PRDM6: variants seen among roughly 807,000 people sequenced by gnomAD.
PRDM6 encodes putative histone-lysine N-methyltransferase PRDM6.
A neutral mutation model predicts 60.8 loss-of-function variants in PRDM6; 25 were observed. The ratio of observed to expected loss-of-function variants is 0.41; its 90% CI spans 0.30 to 0.57. The LOEUF (loss-of-function observed/expected upper bound fraction) is 0.57. Among genes scored for constraint, PRDM6 ranks in the 20% least tolerant of loss-of-function variants. The pLI, the probability that PRDM6 is intolerant of heterozygous loss-of-function variation, is 0.27. For synonymous variants in PRDM6, 407 were observed against 357.4 expected, an observed-to-expected ratio of 1.14 and a Z score of -1.57; for missense variants, 839 against 821.3, an observed-to-expected ratio of 1.02 and a Z score of -0.26.
rs187738417 is a variant in PRDM6, at chr5:123,170,624, A to C, written c.1154-142A>C. 10 of 662,888 alleles carry C rather than the reference A, an allele frequency of 1.5e-5. No homozygotes were observed. The Admixed American group carries it at 2.4e-4, about 16-fold the overall frequency. The allele number at this position is 662,888 out of a possible 1,614,324, so 41.1% of individuals were successfully genotyped here. A position where few individuals can be genotyped will look rare whatever the true frequency, so the allele number is the denominator to read the frequency against. The stretch of plus-strand genomic sequence containing the variant: ...GATAATAGTTTTTTCCCCTCAAATC[A>C]GATGGTTTGTTATGTTAATTCTGAG... On this transcript the variant is annotated intron_variant, in intron 5 of 7. Coordinates refer to ENST00000407847, the MANE Select transcript of PRDM6 (RefSeq NM_001136239.4).
chr5:123,161,993 T>C (rs1057332052), intron 5 of PRDM6, among the ~76,000 whole-genome samples: 1 of 152,172 alleles, frequency 6.6e-6, no homozygotes, highest in African/African-American at 2.4e-5. Context: ...AGTTGGATTC[T>C]GGATATGTTT....
intron 5 of PRDM6, among the ~76,000 whole-genome samples, chr5:123,165,345 C>A (rs761119332): frequency 6.6e-6 from 1 of 152,234 alleles, no homozygotes; most frequent in Non-Finnish European, 1.5e-5. Flanking sequence ...AACCTTGACA[C>A]CTCACTCTTG....
At chr5:123,186,811 A>G (rs924657113) in intron 7 of PRDM6, among the ~76,000 whole-genome samples, 9 of 152,176 alleles carry the variant, frequency 5.9e-5, no homozygotes, top group South Asian at 4.1e-4. Flanking sequence ...TTCTTTATCT[A>G]TTTGAACTGA....
At chr5:123,108,815 G>T (rs866388746) in intron 3 of PRDM6, among the ~76,000 whole-genome samples, 9 of 152,070 alleles carry the variant, frequency 5.9e-5, no homozygotes, top group Non-Finnish European at 1.2e-4. Flanking sequence ...ATAATATATA[G>T]ATTTATTTCA....
rs192512330 is a variant in PRDM6 at position 123,110,471 on chromosome 5, C to A, written c.900+10510C>A. Among the ~76,000 whole-genome samples, 535 of 149,130 alleles carry A rather than the reference C, an allele frequency of 3.6e-3. 2 individuals are homozygous for A. Among genetic ancestry groups the A allele is most frequent in the Non-Finnish European group, 6.1e-3 (411 of 67,500 alleles). On this transcript the variant is annotated intron_variant, in intron 3 of 7. Coordinates refer to ENST00000407847, the MANE Select transcript of PRDM6 (RefSeq NM_001136239.4). ...ATGGGGTTTCACCATGTGGGCCAGGCGGGTTTCAAATTCCTGACCTTCAGT... is the reference window on the plus strand; with the variant it reads ...ATGGGGTTTCACCATGTGGGCCAGGAGGGTTTCAAATTCCTGACCTTCAGT...
At chr5:123,091,718 A>T (rs1402787460) in intron 2 of PRDM6, among the ~76,000 whole-genome samples, 1 of 152,260 alleles carries the variant, frequency 6.6e-6, no homozygotes, top group Non-Finnish European at 1.5e-5. Flanking sequence ...AAAGCAATAC[A>T]GGATTTGAAA....
chr5:123,118,707 A>G (rs1030320748), intron 3 of PRDM6, among the ~76,000 whole-genome samples: 18 of 152,212 alleles, frequency 1.2e-4, no homozygotes, highest in Admixed American at 3.9e-4. Context: ...ATTTGGTAGC[A>G]TTCTAAGTAG....
chr5:123,185,857 A>G (rs1251408248), intron 7 of PRDM6, among the ~76,000 whole-genome samples: 1 of 152,226 alleles, frequency 6.6e-6, no homozygotes, highest in Non-Finnish European at 1.5e-5. Flanking sequence ...TGCCTAACAG[A>G]TAACAGGGCT....
At chr5:123,181,051 G>A (rs997394866) in intron 7 of PRDM6, among the ~76,000 whole-genome samples, 10 of 152,212 alleles carry the variant, frequency 6.6e-5, no homozygotes, top group Non-Finnish European at 1.3e-4. Flanking sequence ...GTGGACATCT[G>A]AATCCGTGCA....
At chr5:123,128,171 T>A (rs892908049) in intron 3 of PRDM6, among the ~76,000 whole-genome samples, 1 of 152,234 alleles carries the variant, frequency 6.6e-6, no homozygotes, top group African/African-American at 2.4e-5. Context: ...TCTATCATTG[T>A]TGGACATTTG....
chr5:123,155,994 A>C lies in PRDM6; in HGVS notation c.1011A>C (p.Leu337=), dbSNP rs1765488785. ...RCARHCGEQN[L]TVVQYRSNIF... ...CAAGGCACTGCGGAGAACAGAATCTAACAGTAGTTCAGTACAGGTAAAGTA... is the reference window on the plus strand; with the variant it reads ...CAAGGCACTGCGGAGAACAGAATCTCACAGTAGTTCAGTACAGGTAAAGTA... Residue 337 remains leucine, a synonymous_variant, in exon 4 of 8, where the codon CTA becomes CTC. Coordinates refer to ENST00000407847, the MANE Select transcript of PRDM6 (RefSeq NM_001136239.4). 1 of 1,551,598 alleles carries C rather than the reference A, an allele frequency of 6.4e-7. No homozygotes were observed. The highest frequency in any genetic ancestry group is 2.0e-5 in the Admixed American group (1 of 50,978).
rs200667727 is a variant in PRDM6 at position 123,170,913 on chromosome 5, A to T, written c.1301A>T (p.Asp434Val). Reference sequence around the variant, plus strand: ...TGCAGCAGGAACTTCTCTCTTCTGGATAAGTCTGGGCCCATTGAATCAGGA... The same window carrying T: ...TGCAGCAGGAACTTCTCTCTTCTGGTTAAGTCTGGGCCCATTGAATCAGGA... ...TPCSRNFSLL[D>V]KSGPIESGFN... The change falls in exon 6 of 8, where the codon GAT becomes GTT. Residue 434 changes from aspartate (D) to valine (V), a missense_variant. Coordinates refer to ENST00000407847, the MANE Select transcript of PRDM6 (RefSeq NM_001136239.4). The T allele has an allele frequency of 3.4e-4, 534 of 1,552,090 alleles. 1 individual carries two copies. Among genetic ancestry groups the T allele is most frequent in the Middle Eastern group, 6.7e-4 (4 of 5,996 alleles).
chr5:123,184,750 C>T (rs1363853667), intron 7 of PRDM6, among the ~76,000 whole-genome samples: 2 of 152,186 alleles, frequency 1.3e-5, no homozygotes, highest in Non-Finnish European at 2.9e-5. Context: ...GAACATAAAA[C>T]TGAAGTCCTT....
chr5:123,091,449 C>T (rs1350529986), intron 2 of PRDM6, among the ~76,000 whole-genome samples: 1 of 152,192 alleles, frequency 6.6e-6, no homozygotes, highest in African/African-American at 2.4e-5. Context: ...TAGCAAATGC[C>T]TAACTAAACA....
At position 123,155,880 on chromosome 5, in the gene PRDM6, C is replaced by A. The variant is rs192005737; in HGVS notation, c.901-4C>A. 1.3e-6 allele frequency: 2 copies of A among 1,549,944 alleles called. No homozygotes were observed. ...ACTACTTGACCTTCTGACCTCTTCTCCAGATATATGACCAGGATGGGACAC... is the reference window on the plus strand; with the variant it reads ...ACTACTTGACCTTCTGACCTCTTCTACAGATATATGACCAGGATGGGACAC... On this transcript the variant is annotated splice_region_variant and splice_polypyrimidine_tract_variant and intron_variant, in intron 3 of 7. Transcript: ENST00000407847.
chr5:123,175,353 A>G (rs984171201), intron 6 of PRDM6, among the ~76,000 whole-genome samples: 5 of 152,160 alleles, frequency 3.3e-5, no homozygotes, highest in Admixed American at 1.3e-4. Flanking sequence ...TGTTTTAAGT[A>G]TCATTGTTTG....
intron 3 of PRDM6, among the ~76,000 whole-genome samples, chr5:123,114,519 T>C (rs1764389913): frequency 6.6e-6 from 1 of 152,248 alleles, no homozygotes; most frequent in Non-Finnish European, 1.5e-5. Flanking sequence ...TCTCCCGATA[T>C]TACTTGTAGC....
intron 5 of PRDM6, among the ~76,000 whole-genome samples, chr5:123,162,603 G>A (rs114663559): frequency 0.013 from 1,922 of 152,226 alleles, 48 homozygotes; most frequent in African/African-American, 0.044. Flanking sequence ...TTTGGGTTCC[G>A]TTCAGAGCTC....
rs116322918 is a variant in PRDM6 at position 123,101,374 on chromosome 5, A to C, written c.900+1413A>C. 6.4e-3 allele frequency among the ~76,000 whole-genome samples: 972 copies of C among 151,960 alleles called. 12 individuals are homozygous for C. Among genetic ancestry groups the C allele is most frequent in the African/African-American group, 0.022 (924 of 41,428 alleles). ...GGACGTGGAAGCCAATGAACTACCT[A>C]CCCTATAGTTATCTGCTGGAGTGCC... On this transcript the variant is annotated intron_variant, in intron 3 of 7. Coordinates refer to ENST00000407847, the MANE Select transcript of PRDM6 (RefSeq NM_001136239.4).
Sources: gnomAD v4.1 joint callset for allele counts (sites outside exome capture counted in the v4.1 genomes callset) on GRCh38, gnomAD v4.1.1 for gene constraint, MANE v1.5 for transcripts, NCBI Gene and HGNC (gene_info 2026-07-23, HGNC 2026-07-21) for gene names.